Variants in CELF6 observed in about 807,000 individuals in gnomAD.
The protein encoded by CELF6 is Bruno -like 6, RNA binding protein.
Under a neutral mutation model 53.1 loss-of-function variants are expected in CELF6, and 32 were observed. That is an observed-to-expected ratio of 0.60 (90% CI 0.46 to 0.81). CELF6 has a LOEUF of 0.81. Among genes scored for constraint, CELF6 ranks in the 30% least tolerant of loss-of-function variants. CELF6 has a pLI of 0.00. For missense variants in CELF6, 539 were observed against 669.5 expected, an observed-to-expected ratio of 0.81 and a Z score of 2.15; for synonymous variants, 291 against 288.8, an observed-to-expected ratio of 1.01 and a Z score of -0.08.
Position 72,289,263 on chromosome 15 carries a change from C to T in CELF6, c.905G>A (p.Gly302Asp). 1 of 1,581,916 alleles carries T rather than the reference C, an allele frequency of 6.3e-7. No homozygotes were observed. The highest frequency in any genetic ancestry group is 8.6e-7 in the Non-Finnish European group (1 of 1,168,272). Residue 302 changes from glycine (G) to aspartate (D), a missense_variant, in exon 8 of 13, where the codon GGC becomes GAC. Physicochemically the swap from Gly to Asp is moderately conservative, Grantham distance 94. This residue lies in a region of CELF6 where 358 missense variants were observed against 412.8 expected (regional missense o/e 0.87). Transcript: ENST00000287202. The surrounding 1 kb of genome is among the most constrained non-coding windows in gnomAD (Gnocchi z 7.6). ...AAAANSPPGS[G>D]PGTLPGLPAP... is the part of the protein sequence containing the mutation. ...CGGAAGACCTGGGAGGGTGCCAGGG[C>T]CGCTGCCAGGCGGGGAGTTGGCTGC... is the stretch of plus-strand genomic sequence containing the variant.
chr15:72,289,487 G>A lies in CELF6; in HGVS notation c.768C>T (p.Ala256=). The change falls in exon 7 of 13, where the codon GCC becomes GCT. Residue 256 remains alanine, a synonymous_variant. Coordinates refer to ENST00000287202, the MANE Select transcript of CELF6 (RefSeq NM_052840.5). This position sits in a 1 kb window ranked among gnomAD's most constrained non-coding sequence, Gnocchi z 7.6. ...CTGGGCCCTGTGCCGCCGCCAGCAG[G>A]GCCGCCTGGTGCTGCAGGATCTTTG... is the stretch of plus-strand genomic sequence containing the variant. ...YTTAILQHQA[A]LLAAAQGPGL... 2 of 1,526,820 alleles carry A rather than the reference G, an allele frequency of 1.3e-6. No individual in the cohort carries two copies. The highest frequency in any genetic ancestry group is 1.8e-6 in the Non-Finnish European group (2 of 1,142,646). 94.6% of individuals were successfully genotyped at this position (1,526,820 alleles called of 1,614,324 possible).
rs1192089367 is a variant in CELF6 at position 72,288,080 on chromosome 15, C to T, written c.1318+228G>A. ...CCCAAACTCCTGACCTCAAGTGATT[C>T]ACCTGCCCTGGCCTCCCAAAGTGCT... is the stretch of plus-strand genomic sequence containing the variant. On this transcript the variant is annotated intron_variant, in intron 11 of 12. Coordinates refer to ENST00000287202, the MANE Select transcript of CELF6 (RefSeq NM_052840.5). This position sits in a 1 kb window ranked among gnomAD's most constrained non-coding sequence, Gnocchi z 4.6. Among the ~76,000 whole-genome samples the T allele has an allele frequency of 6.6e-6, 1 of 152,200 alleles. No individual in the cohort carries two copies. Among genetic ancestry groups the T allele is most frequent in the Non-Finnish European group, 1.5e-5 (1 of 68,048 alleles).
intron 2 of CELF6, among the ~76,000 whole-genome samples, chr15:72,307,390 C>T (rs370551802): frequency 7.2e-5 from 11 of 152,180 alleles, no homozygotes; most frequent in Non-Finnish European, 1.6e-4. Flanking sequence ...GGCAGCCTTT[C>T]GTGGGAGACA....
chr15:72,296,805 T>C (rs2088085560), intron 3 of CELF6, among the ~76,000 whole-genome samples: 1 of 152,212 alleles, frequency 6.6e-6, no homozygotes, highest in African/African-American at 2.4e-5. Flanking sequence ...AATCACAGCG[T>C]TGGCGAGGAT....
chr15:72,308,632 CTT>C (rs1373745749), intron 2 of CELF6, among the ~76,000 whole-genome samples: 2 of 152,112 alleles, frequency 1.3e-5, no homozygotes, highest in Non-Finnish European at 2.9e-5. Context: ...TGACTTTTGA[CTT>C]TGTTGTATTT....
intron 1 of CELF6, among the ~76,000 whole-genome samples, chr15:72,318,488 G>C (rs2088388841): frequency 6.6e-6 from 1 of 152,148 alleles, no homozygotes; most frequent in Non-Finnish European, 1.5e-5. Context: ...GGTGGTGGTG[G>C]GGGAGGAGAT....
At chr15:72,306,766 G>T (rs1206504330) in intron 2 of CELF6, among the ~76,000 whole-genome samples, 3 of 151,808 alleles carry the variant, frequency 2.0e-5, no homozygotes, top group Admixed American at 2.0e-4. Flanking sequence ...AGCTTGACAG[G>T]TCTGGACTGG....
rs1331917242 is a variant in CELF6, at chr15:72,289,902, AC to A, written c.603+36del. 4.0e-5 allele frequency: 61 copies of A among 1,539,524 alleles called. No homozygotes were observed. Among genetic ancestry groups the A allele is most frequent in the Admixed American group, 1.4e-4 (7 of 51,126 alleles). Reference sequence around the variant, plus strand: ...GGGAGGAGAAGCCCGTCCCCACCCCACTGGCCTCACCCTCAGCCCAGGGAAC... The same window carrying A: ...GGGAGGAGAAGCCCGTCCCCACCCCATGGCCTCACCCTCAGCCCAGGGAAC... On this transcript the variant is annotated intron_variant, in intron 5 of 12. Transcript: ENST00000287202. This position sits in a 1 kb window ranked among gnomAD's most constrained non-coding sequence, Gnocchi z 7.6.
intron 2 of CELF6, among the ~76,000 whole-genome samples, chr15:72,311,380 AG>A (rs979506604): frequency 6.7e-6 from 1 of 149,978 alleles, no homozygotes; most frequent in Admixed American, 6.6e-5. Context: ...TGCCTGAGTG[AG>A]ATGCAATGAG....
chr15:72,285,581 A>G lies in CELF6; in HGVS notation c.*790T>C, dbSNP rs191014217. On this transcript the variant is annotated 3_prime_UTR_variant, in exon 13 of 13. Coordinates refer to ENST00000287202, the MANE Select transcript of CELF6 (RefSeq NM_052840.5). ...TCCCGCCTGGGGAAGCAGTGGTTCC[A>G]CAGGAAAGGCAATCCCACTCTTGCT... is the stretch of plus-strand genomic sequence containing the variant. 9 of 152,400 alleles carry G rather than the reference A, an allele frequency of 5.9e-5. No individual in the cohort carries two copies. The East Asian group carries it at 1.7e-3, about 29-fold the overall frequency. 9.4% of individuals were successfully genotyped at this position (152,400 alleles called of 1,614,324 possible). A position where few individuals can be genotyped will look rare whatever the true frequency, so the allele number is the denominator to read the frequency against.
intron 3 of CELF6, among the ~76,000 whole-genome samples, chr15:72,293,089 T>C (rs907012458): frequency 1.3e-5 from 2 of 152,186 alleles, no homozygotes; most frequent in Admixed American, 6.5e-5. Context: ...ACTACTGGGA[T>C]GTACAGAGTT....
chr15:72,289,976 G>A lies in CELF6; in HGVS notation c.566C>T (p.Ala189Val). The change falls in exon 5 of 13, where the codon GCG (alanine) becomes GTG (valine). Residue 189 changes from alanine (A) to valine (V), a missense_variant. Ala to Val is a moderately conservative substitution (Grantham distance 64, BLOSUM62 0). This residue lies in a region of CELF6 where 358 missense variants were observed against 412.8 expected (regional missense o/e 0.87). Coordinates refer to ENST00000287202, the MANE Select transcript of CELF6 (RefSeq NM_052840.5). The surrounding 1 kb of genome is among the most constrained non-coding windows in gnomAD (Gnocchi z 7.6). ...GCTGCCGTGCAGACCCCGGATGGCC[G>A]CCTGAGCTTCCCCTTGACTCCCGAA... ...VKFGSQGEAQ[A>V]AIRGLHGSRT... 1 of 1,588,132 alleles carries A rather than the reference G, an allele frequency of 6.3e-7. No homozygotes were observed. The highest frequency in any genetic ancestry group is 8.6e-7 in the Non-Finnish European group (1 of 1,167,896).
In CELF6 at chr15:72,289,078, C is replaced by T. The variant is rs932541742; in HGVS notation, c.1030+60G>A. 2.2e-6 allele frequency: 3 copies of T among 1,378,902 alleles called. No homozygotes were observed. The highest frequency in any genetic ancestry group is 4.8e-5 in the East Asian group (2 of 41,382). The allele number at this position is 1,378,902 out of a possible 1,614,324, so 85.4% of individuals were successfully genotyped here. On this transcript the variant is annotated intron_variant, in intron 8 of 12. Transcript: ENST00000287202. This position sits in a 1 kb window ranked among gnomAD's most constrained non-coding sequence, Gnocchi z 7.6. ...TCTTCCCAGGGAAGCCAGGCCCTAA[C>T]CCCCCACCCCCCGCTCCCCACTCCA...
At chr15:72,298,857 G>T (rs942875277) in intron 3 of CELF6, among the ~76,000 whole-genome samples, 1 of 152,140 alleles carries the variant, frequency 6.6e-6, no homozygotes, top group African/African-American at 2.4e-5. Flanking sequence ...CATTGTCTGA[G>T]GGATTTGGGG....
intron 3 of CELF6, among the ~76,000 whole-genome samples, chr15:72,301,958 A>G (rs2088162186): frequency 6.6e-6 from 1 of 151,956 alleles, no homozygotes; most frequent in Non-Finnish European, 1.5e-5. Context: ...GATGGTCTTG[A>G]TCTCCTGACC....
Position 72,289,656 on chromosome 15 carries a change from G to C in CELF6, c.718C>G (p.Leu240Val). The C allele has an allele frequency of 6.7e-7, 1 of 1,501,488 alleles. No individual in the cohort carries two copies. Among genetic ancestry groups the C allele is most frequent in the Non-Finnish European group, 8.8e-7 (1 of 1,134,256 alleles). 93.0% of individuals were successfully genotyped at this position (1,501,488 alleles called of 1,614,324 possible). A position where few individuals can be genotyped will look rare whatever the true frequency, so the allele number is the denominator to read the frequency against. The change falls in exon 6 of 13, where the codon CTA (leucine) becomes GTA (valine). Residue 240 changes from leucine (L) to valine (V), a missense_variant. Leu to Val is a conservative substitution (Grantham distance 32). This residue lies in a region of CELF6 where 358 missense variants were observed against 412.8 expected (regional missense o/e 0.87). Coordinates refer to ENST00000287202, the MANE Select transcript of CELF6 (RefSeq NM_052840.5). This position sits in a 1 kb window ranked among gnomAD's most constrained non-coding sequence, Gnocchi z 7.6. ...GTGGTGTAGGCGCCGCAGGCCCCTAGCGGCAGTGGCGCGGGGTGGAAGGCG... is the reference window on the plus strand; with the variant it reads ...GTGGTGTAGGCGCCGCAGGCCCCTACCGGCAGTGGCGCGGGGTGGAAGGCG... ...LGAFHPAPLPLGACGAYTTAI... is the reference protein window; with the variant it reads ...LGAFHPAPLPVGACGAYTTAI...
rs1038977422 is a variant in CELF6 at position 72,285,473 on chromosome 15, T to G, written c.*898A>C. ...GTTCAAGGGGAAGGGAAACAGGAGGTGTCTCAGCTCAGCCAAAGGCAGGGC... is the reference window on the plus strand; with the variant it reads ...GTTCAAGGGGAAGGGAAACAGGAGGGGTCTCAGCTCAGCCAAAGGCAGGGC... On this transcript the variant is annotated 3_prime_UTR_variant, in exon 13 of 13. Coordinates refer to ENST00000287202, the MANE Select transcript of CELF6 (RefSeq NM_052840.5). 7.2e-5 allele frequency: 11 copies of G among 152,124 alleles called. No homozygotes were observed. The highest frequency in any genetic ancestry group is 2.7e-4 in the African/African-American group (11 of 41,376). The allele number at this position is 152,124 out of a possible 1,614,324, so 9.4% of individuals were successfully genotyped here.
At chr15:72,316,865 GC>G (rs2088370351) in intron 1 of CELF6, among the ~76,000 whole-genome samples, 1 of 152,218 alleles carries the variant, frequency 6.6e-6, no homozygotes, top group Non-Finnish European at 1.5e-5. Context: ...CACATTCCCT[GC>G]CCTCATGGGG....
chr15:72,308,683 A>C (rs1474064256), intron 2 of CELF6, among the ~76,000 whole-genome samples: 1 of 152,084 alleles, frequency 6.6e-6, no homozygotes, highest in Admixed American at 6.6e-5. Context: ...AGGATTTTTA[A>C]ATGTTTTTTT....
Sources: gnomAD v4.1 joint callset for allele counts (sites outside exome capture counted in the v4.1 genomes callset) on GRCh38, gnomAD v4.1.1 for gene constraint, gnomAD v4.1.1 regional missense constraint, Gnocchi (gnomAD v3.1) non-coding constraint, MANE v1.5 for transcripts, NCBI Gene and HGNC (gene_info 2026-07-23, HGNC 2026-07-21) for gene names.